ZFAND3: variants seen among roughly 807,000 people sequenced by gnomAD.
ZFAND3 encodes zinc finger AN1-type containing 3.
In ZFAND3, 10 loss-of-function variants were observed where a neutral mutation model predicts 29.6. The ratio of observed to expected loss-of-function variants is 0.34; its 90% confidence interval spans 0.21 to 0.57. ZFAND3 has a LOEUF of 0.57. ZFAND3 is among the 20% of genes least tolerant of loss of function. ZFAND3 has a pLI of 0.86. For synonymous variants in ZFAND3, 128 were observed against 112.6 expected, an observed-to-expected ratio of 1.14 and a Z score of -0.87; for missense variants, 230 against 304.5, an observed-to-expected ratio of 0.76 and a Z score of 1.82.
intron 2 of ZFAND3, among the ~76,000 whole-genome samples, chr6:37,981,548 G>T (rs1011572403): frequency 3.3e-5 from 5 of 152,072 alleles, no homozygotes; most frequent in Admixed American, 2.6e-4. Context: ...ACTGTGGGAG[G>T]ATCATGGAAT....
chr6:38,033,494 A>G (rs1027701772), intron 2 of ZFAND3, among the ~76,000 whole-genome samples: 1 of 152,152 alleles, frequency 6.6e-6, no homozygotes, highest in East Asian at 1.9e-4. Flanking sequence ...AGGGGTTCAC[A>G]AGGAATGGCC....
chr6:38,091,923 A>G (rs186810892), intron 4 of ZFAND3, among the ~76,000 whole-genome samples: 39 of 152,182 alleles, frequency 2.6e-4, no homozygotes, highest in Admixed American at 8.5e-4. Flanking sequence ...ACACTGGGCA[A>G]TGATAGGATG....
Position 38,082,406 on chromosome 6 carries a change from G to C in ZFAND3, c.310G>C (p.Asp104His), listed in dbSNP as rs1764680837. The C allele has an allele frequency of 6.2e-7, 1 of 1,612,112 alleles. No homozygotes were observed. Among genetic ancestry groups the C allele is most frequent in the Non-Finnish European group, 8.5e-7 (1 of 1,178,922 alleles). Residue 104 changes from aspartate to histidine, a missense_variant, in exon 4 of 6, where the codon GAC (aspartate) becomes CAC (histidine). Around this residue, in one of 2 missense-constraint regions of ZFAND3, gnomAD observed 180 missense variants for 202.5 expected, o/e 0.89. Coordinates refer to ENST00000287218, the MANE Select transcript of ZFAND3 (RefSeq NM_021943.3). ...TCTGTTTCTAGGTGGGCCATGCACA[G>C]ACACAGCTCATGTCTCATTAATCAC... ...PSKEECGPCT[D>H]TAHVSLITPT...
rs56068930 is a variant in ZFAND3 at position 38,004,534 on chromosome 6, T to TACACACAC, written c.113-57038_113-57031dup. The stretch of plus-strand genomic sequence containing the variant: ...CACACTTGGAAGTGCTAAAGCTGTC[T>TACACACAC]ACACACACACACACACACACACACA... On this transcript the variant is annotated intron_variant, in intron 2 of 5. Transcript: ENST00000287218. 2.7e-3 allele frequency among the ~76,000 whole-genome samples: 404 copies of TACACACAC among 147,450 alleles called. 2 individuals carry two copies. The highest frequency in any genetic ancestry group is 5.7e-3 in the African/African-American group (228 of 39,782).
rs1554153106 is a variant in ZFAND3 at position 37,891,422 on chromosome 6, C to CCCCG, written c.72-38534_72-38533insGCCC. Reference sequence around the variant, plus strand: ...AAATAGTTGGAGATTTCAGTCCCCCCCCCCGCCTTTAAAATACAAAAATTA... The same window carrying CCCCG: ...AAATAGTTGGAGATTTCAGTCCCCCCCCCGCCCCGCCTTTAAAATACAAAAATTA... On this transcript the variant is annotated intron_variant, in intron 1 of 5. Coordinates refer to ENST00000287218, the MANE Select transcript of ZFAND3 (RefSeq NM_021943.3). 6.9e-4 allele frequency among the ~76,000 whole-genome samples: 97 copies of CCCCG among 141,360 alleles called. 8 individuals carry two copies. The highest frequency in any genetic ancestry group is 2.5e-3 in the African/African-American group (92 of 36,372). The allele number at this position is 141,360 out of a possible 152,430, so 92.7% of individuals were successfully genotyped here. A position where few individuals can be genotyped will look rare whatever the true frequency, so the allele number is the denominator to read the frequency against.
intron 2 of ZFAND3, among the ~76,000 whole-genome samples, chr6:38,027,148 G>A (rs990373967): frequency 6.6e-6 from 1 of 152,142 alleles, no homozygotes; most frequent in Non-Finnish European, 1.5e-5. Flanking sequence ...GTTGTCTTGG[G>A]GTTACAAACA....
At chr6:38,090,248 T>G (rs565005007) in intron 4 of ZFAND3, among the ~76,000 whole-genome samples, 1 of 152,338 alleles carries the variant, frequency 6.6e-6, no homozygotes, top group South Asian at 2.1e-4. Flanking sequence ...AGGTCTGCAG[T>G]ATCAGCATTT....
chr6:38,044,964 C>G (rs557287788), intron 2 of ZFAND3, among the ~76,000 whole-genome samples: 3 of 152,132 alleles, frequency 2.0e-5, no homozygotes, highest in African/African-American at 7.2e-5. Context: ...TTTTTCAACT[C>G]CTCCTGTTTT....
intron 2 of ZFAND3, among the ~76,000 whole-genome samples, chr6:38,030,362 CTG>C (rs1230992117): frequency 5.3e-5 from 8 of 151,838 alleles, no homozygotes; most frequent in Admixed American, 5.2e-4. Flanking sequence ...ACAGTAAGCA[CTG>C]TTTTTTTCTC....
chr6:37,942,305 C>T (rs1204881638), intron 2 of ZFAND3, among the ~76,000 whole-genome samples: 1 of 151,732 alleles, frequency 6.6e-6, no homozygotes, highest in Non-Finnish European at 1.5e-5. Context: ...GTAAAGTTTA[C>T]CTCCATAAAA....
chr6:38,067,043 C>A (rs920560997), intron 3 of ZFAND3, among the ~76,000 whole-genome samples: 2 of 152,100 alleles, frequency 1.3e-5, no homozygotes, highest in African/African-American at 2.4e-5. Context: ...CATTTAAATG[C>A]GATAGTAATG....
intron 2 of ZFAND3, among the ~76,000 whole-genome samples, chr6:38,001,400 G>A (rs1470853278): frequency 6.6e-6 from 1 of 152,188 alleles, no homozygotes; most frequent in Non-Finnish European, 1.5e-5. Context: ...AAGGGCTGAT[G>A]CAAATGTATC....
At chr6:38,074,987 CCTA>C (rs1374107749) in intron 3 of ZFAND3, among the ~76,000 whole-genome samples, 1 of 152,138 alleles carries the variant, frequency 6.6e-6, no homozygotes, top group African/African-American at 2.4e-5. Flanking sequence ...ACTGTATAGA[CCTA>C]CTGCTGAGAA....
intron 4 of ZFAND3, among the ~76,000 whole-genome samples, chr6:38,107,543 C>A (rs1765232751): frequency 6.6e-6 from 1 of 152,150 alleles, no homozygotes; most frequent in Non-Finnish European, 1.5e-5. Context: ...ATTAAATATT[C>A]CCTTCCTGCC....
intron 1 of ZFAND3, among the ~76,000 whole-genome samples, chr6:37,857,737 T>C (rs1473581535): frequency 1.3e-5 from 2 of 152,206 alleles, no homozygotes; most frequent in Non-Finnish European, 2.9e-5. Flanking sequence ...TGGTCTAATC[T>C]CAACTTTACC....
At chr6:37,905,798 A>G (rs527580408) in intron 1 of ZFAND3, among the ~76,000 whole-genome samples, 2 of 152,104 alleles carry the variant, frequency 1.3e-5, no homozygotes, top group South Asian at 2.1e-4. Flanking sequence ...TGGGAATGAT[A>G]ATACCTACCT....
chr6:37,981,318 G>A (rs1466854713), intron 2 of ZFAND3, among the ~76,000 whole-genome samples: 1 of 152,148 alleles, frequency 6.6e-6, no homozygotes, highest in Non-Finnish European at 1.5e-5. Flanking sequence ...ATCACAGTAC[G>A]ACCTTGTTCA....
rs759751237 is a variant in ZFAND3, at chr6:38,061,774, G to C, written c.294G>C (p.Glu98Asp). 1 of 1,614,034 alleles carries C rather than the reference G, an allele frequency of 6.2e-7. No homozygotes were observed. Among genetic ancestry groups the C allele is most frequent in the East Asian group, 2.2e-5 (1 of 44,860 alleles). The change falls in exon 3 of 6, where the codon GAG becomes GAC. Residue 98 changes from glutamate to aspartate, a missense_variant and splice_region_variant. Coordinates refer to ENST00000287218, the MANE Select transcript of ZFAND3 (RefSeq NM_021943.3). ...ATGTAACTTCACCGAGTAAAGAGGA[G>C]TGTAAGTGTCTGGCTTCTGAGGGGT... ...ELNVTSPSKE[E>D]CGPCTDTAHV...
chr6:37,915,765 A>T (rs945591772), intron 1 of ZFAND3: 4 of 152,094 alleles, frequency 2.6e-5, no homozygotes, highest in African/African-American at 7.2e-5. Context: ...TTTTTAAAAA[A>T]TTTTTTGTTT....
Sources: allele counts gnomAD v4.1 joint callset (sites outside exome capture counted in the v4.1 genomes callset), GRCh38; gene constraint gnomAD v4.1.1; regional missense constraint gnomAD v4.1.1; transcripts MANE v1.5; gene names NCBI Gene and HGNC (gene_info 2026-07-23, HGNC 2026-07-21).